SYN3: variants seen among roughly 807,000 people sequenced by gnomAD.
SYN3 encodes synapsin-3.
SYN3 carries 35 observed loss-of-function variants against 65.8 expected under a neutral mutation model. That is an observed-to-expected ratio of 0.53 (90% CI 0.41 to 0.70). SYN3 has a LOEUF of 0.70. Ranked by LOEUF, SYN3 falls within the 30% of genes least tolerant of loss-of-function variation. The probability of loss-of-function intolerance (pLI) is 0.00; values close to 1 mark genes in which losing one functional copy is unlikely to be tolerated. For missense variants in SYN3, 680 were observed against 749.0 expected, an observed-to-expected ratio of 0.91 and a Z score of 1.08; for synonymous variants, 270 against 292.9, an observed-to-expected ratio of 0.92 and a Z score of 0.80.
chr22:32,640,099 T>C (rs1475999202), intron 6 of SYN3, among the ~76,000 whole-genome samples: 1 of 152,186 alleles, frequency 6.6e-6, no homozygotes, highest in Non-Finnish European at 1.5e-5. Flanking sequence ...ACTGAAATGC[T>C]TTTTCTCTCC....
At chr22:32,515,024 A>C (rs965473877) in intron 13 of SYN3, among the ~76,000 whole-genome samples, 53 of 151,954 alleles carry the variant, frequency 3.5e-4, no homozygotes, top group African/African-American at 1.1e-3. Context: ...AAAAAAAAAA[A>C]CAAAACAAAA....
chr22:32,734,444 C>G (rs2061311303), intron 6 of SYN3, among the ~76,000 whole-genome samples: 1 of 152,100 alleles, frequency 6.6e-6, no homozygotes, highest in Non-Finnish European at 1.5e-5. Context: ...GACACTGATC[C>G]AAGGTTAACC....
At chr22:32,705,548 G>A (rs2060869503) in intron 6 of SYN3, among the ~76,000 whole-genome samples, 1 of 152,102 alleles carries the variant, frequency 6.6e-6, no homozygotes, top group African/African-American at 2.4e-5. Flanking sequence ...GCTCTTTTAT[G>A]GTTCCATGTA....
intron 4 of SYN3, among the ~76,000 whole-genome samples, chr22:32,912,557 A>G (rs1014005117): frequency 1.3e-5 from 2 of 152,034 alleles, no homozygotes; most frequent in Non-Finnish European, 2.9e-5. Context: ...CATCTCTACT[A>G]AAAATAATAA....
In SYN3 at chr22:32,538,085, T is replaced by C. The variant is rs976482298; in HGVS notation, c.943A>G (p.Lys315Glu). The change falls in exon 9 of 14, where the codon AAG (lysine) becomes GAG (glutamate). Residue 315 changes from lysine (K) to glutamate (E), a missense_variant. By Grantham distance (56) the Lys-to-Glu change is moderately conservative. Transcript: ENST00000358763. Reference protein sequence around the residue: ...YMRTSISGNWKANTGSAMLEQ... With the variant: ...YMRTSISGNWEANTGSAMLEQ... ...AGCATGGCAGAGCCTGTGTTGGCCT[T>C]CCAGTTCCCAGAGATGGAGGTTCTC... The C allele has an allele frequency of 1.2e-6, 2 of 1,614,104 alleles. No individual in the cohort carries two copies. Among genetic ancestry groups the C allele is most frequent in the Non-Finnish European group, 1.7e-6 (2 of 1,180,030 alleles).
intron 6 of SYN3, among the ~76,000 whole-genome samples, chr22:32,675,452 A>G (rs1320434412): frequency 6.6e-6 from 1 of 152,178 alleles, no homozygotes; most frequent in Non-Finnish European, 1.5e-5. Flanking sequence ...TGCCTGGGAC[A>G]TGGCATCTTA....
At chr22:32,923,854 C>T (rs192655968) in intron 4 of SYN3, among the ~76,000 whole-genome samples, 1 of 152,230 alleles carries the variant, frequency 6.6e-6, no homozygotes, top group East Asian at 1.9e-4. Flanking sequence ...CACCCTTCAC[C>T]CTCAAGTAGG....
In SYN3 at chr22:32,814,185, G is replaced by GAAAGA. The variant is rs1159294265; in HGVS notation, c.711+50725_711+50729dup. 3.7e-4 allele frequency among the ~76,000 whole-genome samples: 4 copies of GAAAGA among 10,862 alleles called. No homozygotes were observed. In the East Asian group the frequency reaches 0.03, roughly 81 times the overall value. The allele number at this position is 10,862 out of a possible 152,430, so 7.1% of individuals were successfully genotyped here. A position where few individuals can be genotyped will look rare whatever the true frequency, so the allele number is the denominator to read the frequency against. Reference sequence around the variant, plus strand: ...GAGAGAGAAAGAGAAAGAAAGAAAAGAAAGAAAGAAAGAAAGAAAGAAAAC... The same window carrying GAAAGA: ...GAGAGAGAAAGAGAAAGAAAGAAAAGAAAGAAAAGAAAGAAAGAAAGAAAGAAAAC... On this transcript the variant is annotated intron_variant, in intron 6 of 13. Coordinates refer to ENST00000358763, the MANE Select transcript of SYN3 (RefSeq NM_003490.4).
At chr22:32,821,803 G>A (rs1472382662) in intron 6 of SYN3, among the ~76,000 whole-genome samples, 1 of 152,182 alleles carries the variant, frequency 6.6e-6, no homozygotes, top group African/African-American at 2.4e-5. Flanking sequence ...GCAAGACAAA[G>A]AGGGCCTCAT....
intron 6 of SYN3, among the ~76,000 whole-genome samples, chr22:32,738,413 A>G (rs5998608): frequency 0.08 from 12,224 of 152,270 alleles, 532 homozygotes; most frequent in African/African-American, 0.1. Flanking sequence ...GGAAAAAGAA[A>G]TTGACAGGTG....
At chr22:32,797,698 G>A (rs1390649077) in intron 6 of SYN3, among the ~76,000 whole-genome samples, 2 of 152,158 alleles carry the variant, frequency 1.3e-5, no homozygotes, top group African/African-American at 2.4e-5. Context: ...TCTTGGGGGA[G>A]GTAGCAATAT....
chr22:32,651,915 C>T (rs1191565091), intron 6 of SYN3, among the ~76,000 whole-genome samples: 2 of 152,182 alleles, frequency 1.3e-5, no homozygotes, highest in African/African-American at 4.8e-5. Context: ...TTGCTACTGG[C>T]ATCTAGCGGG....
chr22:32,656,569 C>T (rs966618484), intron 6 of SYN3, among the ~76,000 whole-genome samples: 142 of 152,128 alleles, frequency 9.3e-4, no homozygotes, highest in African/African-American at 3.3e-3. Context: ...GGTAGCGGAT[C>T]GATAGTCAAT....
chr22:32,792,992 C>T (rs960649531), intron 6 of SYN3, among the ~76,000 whole-genome samples: 1 of 152,134 alleles, frequency 6.6e-6, no homozygotes, highest in Non-Finnish European at 1.5e-5. Flanking sequence ...TTTCCTTGAC[C>T]ATAAAATGGG....
intron 6 of SYN3, among the ~76,000 whole-genome samples, chr22:32,772,767 C>G (rs1451517026): frequency 6.6e-6 from 1 of 151,958 alleles, no homozygotes; most frequent in Non-Finnish European, 1.5e-5. Flanking sequence ...ATACTTGCAG[C>G]CAGGAGAAAC....
At chr22:32,982,441 C>A (rs1034081607) in intron 2 of SYN3, among the ~76,000 whole-genome samples, 2 of 152,008 alleles carry the variant, frequency 1.3e-5, no homozygotes, top group African/African-American at 2.4e-5. Flanking sequence ...GTTTAGACAT[C>A]ATCCCTACAC....
chr22:32,849,424 C>A, intron 6 of SYN3: 2 of 1,608,092 alleles, frequency 1.2e-6, no homozygotes, highest in South Asian at 1.1e-5. Context: ...CCTTCCTAAC[C>A]TCTTATTGTC....
chr22:32,652,895 G>A (rs1341221515), intron 6 of SYN3, among the ~76,000 whole-genome samples: 1 of 152,146 alleles, frequency 6.6e-6, no homozygotes, highest in African/African-American at 2.4e-5. Context: ...AGGTGTCGAG[G>A]AAAAGATGAC....
In SYN3 at chr22:33,009,743, C is replaced by T. The variant is rs867987267; in HGVS notation, c.-162-2919G>A. Among the ~76,000 whole-genome samples, 18 of 128,408 alleles carry T rather than the reference C, an allele frequency of 1.4e-4. 1 individual carries two copies. In the South Asian group the frequency reaches 4.3e-3, roughly 31 times the overall value. 84.2% of individuals were successfully genotyped at this position (128,408 alleles called of 152,430 possible). A position where few individuals can be genotyped will look rare whatever the true frequency, so the allele number is the denominator to read the frequency against. Reference sequence around the variant, plus strand: ...TACTTTACATATCCTTTCATATATACGTATCTAAACACACACACACACACA... The same window carrying T: ...TACTTTACATATCCTTTCATATATATGTATCTAAACACACACACACACACA... On this transcript the variant is annotated intron_variant, in intron 1 of 13. Coordinates refer to ENST00000358763, the MANE Select transcript of SYN3 (RefSeq NM_003490.4).
Sources: gnomAD v4.1 joint callset for allele counts (sites outside exome capture counted in the v4.1 genomes callset) on GRCh38, gnomAD v4.1.1 for gene constraint, MANE v1.5 for transcripts, NCBI Gene and HGNC (gene_info 2026-07-23, HGNC 2026-07-21) for gene names.